TMCO6: variants seen among roughly 807,000 people sequenced by gnomAD.
The protein encoded by TMCO6 is transmembrane and coiled-coil domains 6.
In TMCO6, 47 loss-of-function variants were observed where a neutral mutation model predicts 61.8. That is an observed-to-expected ratio of 0.76 (90% confidence interval 0.60 to 0.97). The LOEUF (loss-of-function observed/expected upper bound fraction) is 0.97, where lower values mean the gene tolerates loss of function less well. Among genes scored for constraint, TMCO6 ranks in the 50% least tolerant of loss-of-function variants. The probability of loss-of-function intolerance (pLI) is 0.00; values close to 1 mark genes in which losing one functional copy is unlikely to be tolerated. For synonymous variants in TMCO6, 261 were observed against 254.2 expected (o/e 1.03, Z -0.25); for missense variants, 557 against 601.6 (o/e 0.93, Z 0.78).
chr5:140,625,668 G>C, the TMCO6 span, among the ~76,000 whole-genome samples: 20 of 152,202 alleles, frequency 1.3e-4, no homozygotes, highest in African/African-American at 4.6e-4. Flanking sequence ...CACTTTAAGA[G>C]CAGGAACTTT....
the TMCO6 span, chr5:140,633,174 GTGAACTCTTCGGC>G: frequency 6.8e-7 from 1 of 1,463,700 alleles, no homozygotes; most frequent in Non-Finnish European, 9.4e-7. Context: ...CTTCACACTT[GTGAACTCTTCGGC>G]TGCCTCTGAC....
At chr5:140,633,431 G>A in the TMCO6 span, 3 of 448,706 alleles carry the variant, frequency 6.7e-6, no homozygotes, top group African/African-American at 6.0e-5. Flanking sequence ...CTGTTGACTC[G>A]GGAGCCTAAG....
the TMCO6 span, among the ~76,000 whole-genome samples, chr5:140,610,641 G>A: frequency 3.9e-5 from 6 of 152,272 alleles, no homozygotes; most frequent in East Asian, 1.2e-3. Flanking sequence ...ATCACTAGGA[G>A]TTTTTAATAT....
At chr5:140,603,180 C>T in the TMCO6 span, among the ~76,000 whole-genome samples, 1 of 152,186 alleles carries the variant, frequency 6.6e-6, no homozygotes, top group African/African-American at 2.4e-5. Flanking sequence ...TCTCCCCTCC[C>T]CAGGTGACCA....
At chr5:140,598,313 C>T in the TMCO6 span, among the ~76,000 whole-genome samples, 1 of 151,888 alleles carries the variant, frequency 6.6e-6, no homozygotes, top group African/African-American at 2.4e-5. Context: ...AAGTGATCCT[C>T]CCGCCTCGTC....
At chr5:140,598,101 C>G in the TMCO6 span, among the ~76,000 whole-genome samples, 1 of 152,180 alleles carries the variant, frequency 6.6e-6, no homozygotes, top group Admixed American at 6.5e-5. Flanking sequence ...TTGGCCCCCT[C>G]ATGGTGCATG....
the TMCO6 span, chr5:140,632,440 A>G: frequency 6.2e-7 from 1 of 1,614,172 alleles, no homozygotes; most frequent in South Asian, 1.1e-5. This position sits in a 1 kb window ranked among gnomAD's most constrained non-coding sequence, Gnocchi z 6.2. Context: ...AAGGCAGGCG[A>G]GTGTGCTTGG....
chr5:140,632,930 A>C, the TMCO6 span: 3 of 1,614,164 alleles, frequency 1.9e-6, no homozygotes, highest in East Asian at 6.7e-5. This position sits in a 1 kb window ranked among gnomAD's most constrained non-coding sequence, Gnocchi z 6.2. Context: ...GCGTGGTCGC[A>C]GAGACGTGCA....
rs1248175424 is a variant in TMCO6, at chr5:140,643,975, C to T, written c.1105+9C>T. 1 of 1,614,056 alleles carries T rather than the reference C, an allele frequency of 6.2e-7. No homozygotes were observed. The highest frequency in any genetic ancestry group is 1.1e-5 in the South Asian group (1 of 91,062). ...CCTCAACAACCTCACTGGTACGCAC[C>T]ATAATCTGCCCAGGCCTGGACATTT... On this transcript the variant is annotated intron_variant, in intron 9 of 11. Coordinates refer to ENST00000394671, the MANE Select transcript of TMCO6 (RefSeq NM_018502.5).
the TMCO6 span, among the ~76,000 whole-genome samples, chr5:140,599,411 A>T: frequency 6.6e-6 from 1 of 152,212 alleles, no homozygotes; most frequent in African/African-American, 2.4e-5. Flanking sequence ...TGACCATATG[A>T]TCACGTCAGT....
At chr5:140,644,507 T>C (rs1209124994) in intron 10 of TMCO6, 66 bp from the exon 11 acceptor site, 8 of 1,572,324 alleles carry the variant, frequency 5.1e-6, no homozygotes, top group Admixed American at 1.8e-5. Context: ...CCATGTCATA[T>C]ATTTTAGCTA....
chr5:140,611,996 G>GGGA, the TMCO6 span, among the ~76,000 whole-genome samples: 2 of 152,166 alleles, frequency 1.3e-5, no homozygotes, highest in Admixed American at 6.5e-5. Context: ...AAGACTGGAT[G>GGGA]GGAGAGAGCA....
At chr5:140,634,018 G>T in the TMCO6 span, among the ~76,000 whole-genome samples, 1 of 152,034 alleles carries the variant, frequency 6.6e-6, no homozygotes, top group African/African-American at 2.4e-5. Flanking sequence ...TTGAACTCCT[G>T]ACCTTGTGAT....
the TMCO6 span, chr5:140,633,100 T>C: frequency 1.9e-6 from 3 of 1,613,840 alleles, no homozygotes; most frequent in East Asian, 4.5e-5. Flanking sequence ...ACCTCTGAGC[T>C]CCGGACAGGC....
In TMCO6 at chr5:140,643,948, C is replaced by T. The variant is rs1561955478; in HGVS notation, c.1087C>T (p.Leu363Phe). 1 of 1,614,164 alleles carries T rather than the reference C, an allele frequency of 6.2e-7. No individual in the cohort carries two copies. The highest frequency in any genetic ancestry group is 8.5e-7 in the Non-Finnish European group (1 of 1,180,030). Residue 363 changes from leucine to phenylalanine, a missense_variant, in exon 9 of 12, where the codon CTC becomes TTC. Coordinates refer to ENST00000394671, the MANE Select transcript of TMCO6 (RefSeq NM_018502.5). ...CAGTCTGCTCCCTGAGGGCCTTTGG[C>T]TCCTCAACAACCTCACTGGTACGCA... is the stretch of plus-strand genomic sequence containing the variant. ...QPSLLPEGLW[L>F]LNNLTANSPS... is the part of the protein sequence containing the mutation.
chr5:140,611,217 C>T, the TMCO6 span, among the ~76,000 whole-genome samples: 2 of 152,112 alleles, frequency 1.3e-5, no homozygotes, highest in Admixed American at 1.3e-4. Flanking sequence ...GTTTCTGTGT[C>T]TCTTTGTCTT....
the TMCO6 span, among the ~76,000 whole-genome samples, chr5:140,621,006 C>G: frequency 6.6e-6 from 1 of 151,662 alleles, no homozygotes; most frequent in Non-Finnish European, 1.5e-5. Flanking sequence ...GAGTGAGAAC[C>G]CATCTCAAAA....
chr5:140,612,073 T>C, the TMCO6 span, among the ~76,000 whole-genome samples: 1 of 152,178 alleles, frequency 6.6e-6, no homozygotes, highest in Non-Finnish European at 1.5e-5. Context: ...TAATGTCATT[T>C]TGATTCCAGA....
Position 140,641,777 on chromosome 5 carries a change from T to G in TMCO6, c.311T>G (p.Ile104Ser). The change falls in exon 3 of 12, where the codon ATC becomes AGC. Residue 104 changes from isoleucine (I) to serine (S), a missense_variant. Transcript: ENST00000394671. Reference protein sequence around the residue: ...LQHPETQQTFIRLEGSMRTLV... With the variant: ...LQHPETQQTFSRLEGSMRTLV... The stretch of plus-strand genomic sequence containing the variant: ...CACCCTGAAACACAGCAAACCTTCA[T>G]CCGGTCAGTGTGGATGGTGTGGTGG... 6.2e-7 allele frequency: 1 copy of G among 1,614,182 alleles called. No individual in the cohort carries two copies. The highest frequency in any genetic ancestry group is 1.1e-5 in the South Asian group (1 of 91,084).
Sources: gnomAD v4.1 joint callset for allele counts (sites outside exome capture counted in the v4.1 genomes callset) on GRCh38, gnomAD v4.1.1 for gene constraint, Gnocchi (gnomAD v3.1) non-coding constraint, MANE v1.5 for transcripts, NCBI Gene and HGNC (gene_info 2026-07-23, HGNC 2026-07-21) for gene names.